Variants in CRYL1 observed in about 807,000 individuals in gnomAD.
The protein encoded by CRYL1 is crystallin lambda 1, also known as lambda-crystallin homolog.
A neutral mutation model predicts 36.6 loss-of-function variants in CRYL1; 29 were observed. The ratio of observed to expected loss-of-function variants is 0.79; its 90% CI spans 0.59 to 1.08. The LOEUF (loss-of-function observed/expected upper bound fraction) is 1.08. Among genes scored for constraint, CRYL1 ranks in the 50% least tolerant of loss-of-function variants. The pLI, the probability that CRYL1 is intolerant of heterozygous loss-of-function variation, is 0.00. For synonymous variants in CRYL1, 152 were observed against 151.5 expected (o/e 1.00, Z -0.02); for missense variants, 411 against 407.9 (o/e 1.01, Z -0.06).
chr13:20,475,292 A>C (rs17052212), intron 3 of CRYL1, among the ~76,000 whole-genome samples: 6,450 of 152,258 alleles, frequency 0.042, 293 homozygotes, highest in Admixed American at 0.15. Flanking sequence ...GCTGGAGTCC[A>C]AGCGACCTGG....
rs930115946 is a variant in CRYL1, at chr13:20,430,389, CT to C, written c.633+1712del. 44 of 985,374 alleles carry C rather than the reference CT, an allele frequency of 4.5e-5. No individual in the cohort carries two copies. In the African/African-American group the frequency reaches 7.7e-4, roughly 17 times the overall value. The allele number at this position is 985,374 out of a possible 1,614,324, so 61.0% of individuals were successfully genotyped here. ...AACACAGAGACATATGCAGGCTTCA[CT>C]TTCTCAGGAGGTATGTCACCACAGA... On this transcript the variant is annotated intron_variant, in intron 5 of 7. Transcript: ENST00000298248.
intron 3 of CRYL1, among the ~76,000 whole-genome samples, chr13:20,459,233 C>G (rs1405766028): frequency 3.0e-5 from 2 of 65,976 alleles, no homozygotes; most frequent in Non-Finnish European, 6.2e-5. Flanking sequence ...GAGACTCCAT[C>G]TCAAAAAAAA....
At chr13:20,459,235 CA>C (rs61255031) in intron 3 of CRYL1, among the ~76,000 whole-genome samples, 2,879 of 78,384 alleles carry the variant, frequency 0.037, 35 homozygotes, top group African/African-American at 0.11. Context: ...GACTCCATCT[CA>C]AAAAAAAAAA....
chr13:20,508,055 C>G (rs1406588906), intron 2 of CRYL1, among the ~76,000 whole-genome samples: 1 of 151,868 alleles, frequency 6.6e-6, no homozygotes, highest in Non-Finnish European at 1.5e-5. Flanking sequence ...TGGCGAAACC[C>G]TGTCTCTACA....
chr13:20,408,396 T>C (rs1190827838), intron 6 of CRYL1, among the ~76,000 whole-genome samples: 1 of 152,202 alleles, frequency 6.6e-6, no homozygotes, highest in Admixed American at 6.5e-5. Flanking sequence ...CCACTTCCCC[T>C]GGAGGCGATT....
intron 5 of CRYL1, among the ~76,000 whole-genome samples, chr13:20,414,986 T>TA (rs2031621006): frequency 1.3e-5 from 2 of 152,148 alleles, no homozygotes; most frequent in South Asian, 4.1e-4. Flanking sequence ...CAGAGCTCTG[T>TA]AGGACTGAGG....
rs1186388795 is a variant in CRYL1 at position 20,468,271 on chromosome 13, T to C, written c.276+21099A>G. Among the ~76,000 whole-genome samples, 8 of 152,182 alleles carry C rather than the reference T, an allele frequency of 5.3e-5. No homozygotes were observed. In the East Asian group the frequency reaches 1.5e-3, roughly 29 times the overall value. ...GTTTTGCACTCTTCTCCAACTCAGC[T>C]ATCTCTTCTAAACTTACTTTTTATT... On this transcript the variant is annotated intron_variant, in intron 3 of 7. Coordinates refer to ENST00000298248, the MANE Select transcript of CRYL1 (RefSeq NM_015974.3).
chr13:20,490,645 C>CT (rs1681427229), intron 2 of CRYL1, among the ~76,000 whole-genome samples: 1 of 68,286 alleles, frequency 1.5e-5, no homozygotes, highest in Non-Finnish European at 3.4e-5. Context: ...ATGAAACAAT[C>CT]TCATGGCAGG....
chr13:20,474,101 C>G (rs111841034), intron 3 of CRYL1, among the ~76,000 whole-genome samples: 2 of 152,172 alleles, frequency 1.3e-5, no homozygotes, highest in Non-Finnish European at 2.9e-5. Flanking sequence ...GGCATGGGCA[C>G]GTCCTGAATT....
At chr13:20,507,765 A>C (rs2033825071) in intron 2 of CRYL1, among the ~76,000 whole-genome samples, 1 of 151,996 alleles carries the variant, frequency 6.6e-6, no homozygotes, top group African/African-American at 2.4e-5. Flanking sequence ...AAAAATATAA[A>C]AAATTAGCTG....
chr13:20,510,821 T>G (rs146512653), intron 2 of CRYL1, among the ~76,000 whole-genome samples: 1 of 152,042 alleles, frequency 6.6e-6, no homozygotes, highest in Admixed American at 6.5e-5. Flanking sequence ...CCATGTTGCT[T>G]AGGGTGGTCT....
At chr13:20,489,655 T>C (rs1180481671) in intron 2 of CRYL1, among the ~76,000 whole-genome samples, 159 bp from the exon 3 acceptor site, 1 of 152,130 alleles carries the variant, frequency 6.6e-6, no homozygotes, top group Admixed American at 6.5e-5. Flanking sequence ...AACTAGCAAT[T>C]GTTGGCAAGG....
intron 2 of CRYL1, among the ~76,000 whole-genome samples, chr13:20,510,397 C>G (rs1047770765): frequency 6.6e-6 from 1 of 152,116 alleles, no homozygotes; most frequent in African/African-American, 2.4e-5. Context: ...GTCTGCAAAG[C>G]CTACATACTG....
At chr13:20,440,537 G>T (rs2032328269) in intron 3 of CRYL1, among the ~76,000 whole-genome samples, 1 of 152,158 alleles carries the variant, frequency 6.6e-6, no homozygotes. Flanking sequence ...AAAAAAGTCT[G>T]CCAACGATAT....
chr13:20,470,675 G>A (rs1233400848), intron 3 of CRYL1, among the ~76,000 whole-genome samples: 2 of 152,072 alleles, frequency 1.3e-5, no homozygotes, highest in Non-Finnish European at 2.9e-5. Flanking sequence ...TTGGGAGGCC[G>A]AGGCAGGTGG....
At chr13:20,489,308 C>A in intron 3 of CRYL1, 62 bp downstream of exon 3, 1 of 1,599,906 alleles carries the variant, frequency 6.3e-7, no homozygotes, top group South Asian at 1.1e-5. Flanking sequence ...CCTGTTCCTC[C>A]GGAGAGGCTG....
rs1268812654 is a variant in CRYL1 at position 20,404,132 on chromosome 13, C to T, written c.957G>A (p.Gln319=). 1 of 1,611,292 alleles carries T rather than the reference C, an allele frequency of 6.2e-7. No individual in the cohort carries two copies. The highest frequency in any genetic ancestry group is 8.5e-7 in the Non-Finnish European group (1 of 1,177,528). Residue 319 remains glutamine (Q), a synonymous_variant, in exon 8 of 8, where the codon CAG becomes CAA. Coordinates refer to ENST00000298248, the MANE Select transcript of CRYL1 (RefSeq NM_015974.3). ...LAKLKSQVQP[Q] ...TGGAAGCTGCATTACAAGAAATTCACTGGGGCTGCACTTGACTCTTCAACT... is the reference window on the plus strand; with the variant it reads ...TGGAAGCTGCATTACAAGAAATTCATTGGGGCTGCACTTGACTCTTCAACT...
At position 20,439,668 on chromosome 13, in the gene CRYL1, A is replaced by G. The variant is rs746158977; in HGVS notation, c.363T>C (p.Ser121=). ...SIIDDRVILS[S]STSCLMPSKL... ...TGGAAGGCATGAGACAAGAAGTGGA[A>G]CTGCTTAAGATCACTCGATCATCAA... Residue 121 remains serine, a synonymous_variant, in exon 4 of 8, where the codon AGT becomes AGC. Coordinates refer to ENST00000298248, the MANE Select transcript of CRYL1 (RefSeq NM_015974.3). 20 of 1,614,134 alleles carry G rather than the reference A, an allele frequency of 1.2e-5. No individual in the cohort carries two copies. The highest frequency in any genetic ancestry group is 1.6e-5 in the Non-Finnish European group (19 of 1,179,994).
chr13:20,501,046 A>C (rs751348686), intron 2 of CRYL1, among the ~76,000 whole-genome samples: 33 of 152,026 alleles, frequency 2.2e-4, no homozygotes, highest in Admixed American at 5.2e-4. Flanking sequence ...ACAGTGCTAC[A>C]TTTCTTTCCT....
Sources: allele counts gnomAD v4.1 joint callset (sites outside exome capture counted in the v4.1 genomes callset), GRCh38; gene constraint gnomAD v4.1.1; transcripts MANE v1.5; gene names NCBI Gene and HGNC (gene_info 2026-07-23, HGNC 2026-07-21).